DOCK3: variants seen among roughly 807,000 people sequenced by gnomAD.
The protein encoded by DOCK3 is dedicator of cytokinesis protein 3.
A neutral mutation model predicts 265.6 loss-of-function variants in DOCK3; 60 were observed. The ratio of observed to expected loss-of-function variants is 0.23; its 90% confidence interval spans 0.18 to 0.28. DOCK3 has a LOEUF of 0.28. Ranked by LOEUF, DOCK3 falls within the 10% of genes least tolerant of loss-of-function variation. The pLI, the probability that DOCK3 is intolerant of heterozygous loss-of-function variation, is 1.00. For missense variants in DOCK3, 1,981 were observed against 2,594.3 expected, an observed-to-expected ratio of 0.76 and a Z score of 5.14; for synonymous variants, 881 against 938.0, an observed-to-expected ratio of 0.94 and a Z score of 1.11.
chr3:51,305,762 T>TGTGTGTG (rs1384632654), intron 27 of DOCK3, among the ~76,000 whole-genome samples: 7 of 70,334 alleles, frequency 1.0e-4, no homozygotes, highest in South Asian at 4.7e-4. Flanking sequence ...GTGTGTGTGT[T>TGTGTGTG]TTTATTATAG....
chr3:50,691,536 G>A (rs1195506145), intron 1 of DOCK3, among the ~76,000 whole-genome samples: 1 of 152,200 alleles, frequency 6.6e-6, no homozygotes, highest in African/African-American at 2.4e-5. Flanking sequence ...TGGCATGCTA[G>A]TACTTGTTAA....
chr3:50,826,144 CT>C (rs553343410), intron 2 of DOCK3, among the ~76,000 whole-genome samples: 10 of 151,624 alleles, frequency 6.6e-5, no homozygotes, highest in Non-Finnish European at 1.5e-4. Flanking sequence ...TATTCTTAGC[CT>C]TTTGGGGCCC....
intron 5 of DOCK3, among the ~76,000 whole-genome samples, chr3:51,048,496 A>G (rs568020426): frequency 6.6e-6 from 1 of 152,366 alleles, no homozygotes; most frequent in East Asian, 1.9e-4. Context: ...ATTTCTAAAC[A>G]TGAAATTCAC....
At chr3:51,098,199 G>GGTGCCCACCACC (rs778954197) in intron 9 of DOCK3, among the ~76,000 whole-genome samples, 1 of 152,152 alleles carries the variant, frequency 6.6e-6, no homozygotes, top group Admixed American at 6.6e-5. Context: ...TGGGATTACA[G>GGTGCCCACCACC]GTGCCCACCA....
At chr3:51,133,475 C>G (rs2084653933) in intron 9 of DOCK3, among the ~76,000 whole-genome samples, 1 of 152,030 alleles carries the variant, frequency 6.6e-6, no homozygotes, top group Admixed American at 6.5e-5. Context: ...CATCCACGTC[C>G]CTACAAAGGA....
intron 7 of DOCK3, among the ~76,000 whole-genome samples, chr3:51,084,282 T>C (rs2082343585): frequency 6.6e-6 from 1 of 152,108 alleles, no homozygotes; most frequent in Admixed American, 6.5e-5. Flanking sequence ...TAAAGGTATA[T>C]ATATATAATC....
In DOCK3 at chr3:51,016,853, C is replaced by CATATATGATATATGTTTAT. The variant is rs2079342576; in HGVS notation, c.316-47589_316-47588insGATATATGTTTATATATAT. On this transcript the variant is annotated intron_variant, in intron 5 of 52. Transcript: ENST00000266037. ...ATATATGATATATGTTTATATATAT[C>CATATATGATATATGTTTAT]ATATATAAATATATATGATATATGT... Among the ~76,000 whole-genome samples, 7 of 1,838 alleles carry CATATATGATATATGTTTAT rather than the reference C, an allele frequency of 3.8e-3. 3 individuals carry two copies. Among genetic ancestry groups the CATATATGATATATGTTTAT allele is most frequent in the African/African-American group, 0.017 (7 of 420 alleles). The allele number at this position is 1,838 out of a possible 152,430, so 1.2% of individuals were successfully genotyped here.
intron 31 of DOCK3, among the ~76,000 whole-genome samples, chr3:51,314,276 GA>G (rs1405234033): frequency 6.6e-6 from 1 of 152,198 alleles, no homozygotes; most frequent in Non-Finnish European, 1.5e-5. Flanking sequence ...ACTTACCATG[GA>G]AATGCTTCAT....
intron 6 of DOCK3, among the ~76,000 whole-genome samples, chr3:51,065,962 T>TAAAAC (rs2081577143): frequency 6.6e-6 from 1 of 152,124 alleles, no homozygotes; most frequent in African/African-American, 2.4e-5. Flanking sequence ...TAAAGTACTT[T>TAAAAC]AAAACAAAAC....
chr3:51,038,875 T>G (rs1453482290), intron 5 of DOCK3, among the ~76,000 whole-genome samples: 2 of 152,096 alleles, frequency 1.3e-5, no homozygotes, highest in Non-Finnish European at 2.9e-5. Flanking sequence ...TATTCTAGTT[T>G]TTTTTTTGGA....
intron 21 of DOCK3, among the ~76,000 whole-genome samples, chr3:51,242,022 T>C (rs2078632134): frequency 6.6e-6 from 1 of 152,184 alleles, no homozygotes; most frequent in South Asian, 2.1e-4. Flanking sequence ...GTCCTTGTGC[T>C]GGTTCTTTTT....
intron 26 of DOCK3, among the ~76,000 whole-genome samples, chr3:51,279,876 A>G (rs2081017881): frequency 6.6e-6 from 1 of 152,154 alleles, no homozygotes; most frequent in African/African-American, 2.4e-5. Context: ...CTACTTTATT[A>G]TAGTTTAAGG....
At chr3:50,875,942 A>G (rs1038599569) in intron 3 of DOCK3, among the ~76,000 whole-genome samples, 3 of 152,072 alleles carry the variant, frequency 2.0e-5, no homozygotes, top group Admixed American at 6.6e-5. Flanking sequence ...TGATATATTG[A>G]ACAAGAACAG....
intron 5 of DOCK3, among the ~76,000 whole-genome samples, chr3:51,020,221 A>C (rs2079525493): frequency 6.6e-6 from 1 of 151,812 alleles, no homozygotes; most frequent in Non-Finnish European, 1.5e-5. Context: ...TCTAATGATC[A>C]ACAATGTTGA....
At position 50,948,471 on chromosome 3, in the gene DOCK3, A is replaced by G. The variant is rs1346205506; in HGVS notation, c.315+14394A>G. 2.8e-5 allele frequency among the ~76,000 whole-genome samples: 4 copies of G among 142,032 alleles called. No individual in the cohort carries two copies. In the East Asian group the frequency reaches 8.4e-4, roughly 30 times the overall value. The allele number at this position is 142,032 out of a possible 152,430, so 93.2% of individuals were successfully genotyped here. On this transcript the variant is annotated intron_variant, in intron 5 of 52. Coordinates refer to ENST00000266037, the MANE Select transcript of DOCK3 (RefSeq NM_004947.5). ...CAGGCTGGAATGCAGTTGCAAAATC[A>G]TAGCTCACTGTAAGCTCCAACTCCT...
rs571237378 is a variant in DOCK3 at position 50,885,080 on chromosome 3, C to T, written c.163-4946C>T. 7.9e-5 allele frequency among the ~76,000 whole-genome samples: 12 copies of T among 152,296 alleles called. No individual in the cohort carries two copies. The South Asian group carries it at 2.3e-3, about 29-fold the overall frequency. On this transcript the variant is annotated intron_variant, in intron 3 of 52. Transcript: ENST00000266037. ...CTTCCCCTAGGAACCTTGGCAACAA[C>T]TGTGTTTTTTACTGTCTCTATGGTT...
intron 3 of DOCK3, among the ~76,000 whole-genome samples, chr3:50,859,375 G>A (rs2046790872): frequency 6.6e-6 from 1 of 151,742 alleles, no homozygotes; most frequent in African/African-American, 2.4e-5. Context: ...ATGCCACCAT[G>A]CCCAGCTAAT....
intron 6 of DOCK3, among the ~76,000 whole-genome samples, chr3:51,074,037 A>G (rs1049837843): frequency 6.6e-6 from 1 of 152,236 alleles, no homozygotes; most frequent in Admixed American, 6.5e-5. Flanking sequence ...CACAGAGCTT[A>G]TAGATTTAGC....
chr3:50,756,234 T>A (rs367563902), intron 1 of DOCK3, among the ~76,000 whole-genome samples: 4 of 152,164 alleles, frequency 2.6e-5, no homozygotes, highest in Admixed American at 1.3e-4. Context: ...ACCAATAGAG[T>A]GTTTCCAGAG....
Sources: allele counts gnomAD v4.1 joint callset (sites outside exome capture counted in the v4.1 genomes callset), GRCh38; gene constraint gnomAD v4.1.1; transcripts MANE v1.5; gene names NCBI Gene and HGNC (gene_info 2026-07-23, HGNC 2026-07-21).